The following PCDHGB2 variants were observed in gnomAD, a reference collection of about 807,000 sequenced individuals.
PCDHGB2 encodes the protein protocadherin gamma-B2.
In PCDHGB2, 55 loss-of-function variants were observed where a neutral mutation model predicts 59.3. The observed-to-expected ratio is 0.93, with a 90% CI of 0.75 to 1.16. The LOEUF (loss-of-function observed/expected upper bound fraction) is 1.16. PCDHGB2 is among the 50% of genes most tolerant of loss of function. The pLI is 0.00. For missense variants in PCDHGB2, 1,228 were observed against 1,198.5 expected, an observed-to-expected ratio of 1.02 and a Z score of -0.36; for synonymous variants, 516 against 512.0, an observed-to-expected ratio of 1.01 and a Z score of -0.11.
chr5:141,426,718 C>G, intron 1 of PCDHGB2: 1 of 446,166 alleles, frequency 2.2e-6, no homozygotes, highest in Non-Finnish European at 4.6e-6. Flanking sequence ...AATGAACTAG[C>G]AATTCCAGGC....
chr5:141,371,524 G>T, intron 1 of PCDHGB2: 1 of 1,613,756 alleles, frequency 6.2e-7, no homozygotes, highest in Non-Finnish European at 8.5e-7. Flanking sequence ...CTAGATTCTG[G>T]ATTTAATGGA....
chr5:141,371,018 C>G, intron 1 of PCDHGB2: 1 of 1,613,994 alleles, frequency 6.2e-7, no homozygotes, highest in Non-Finnish European at 8.5e-7. Flanking sequence ...AGCCACATCA[C>G]CACCTGGTCC....
intron 1 of PCDHGB2, among the ~76,000 whole-genome samples, chr5:141,448,751 T>C (rs888567097): frequency 1.3e-5 from 2 of 151,804 alleles, no homozygotes; most frequent in South Asian, 4.2e-4. Context: ...CCATCCTGGC[T>C]AACACGGTGA....
chr5:141,415,811 A>G (rs2095960996), intron 1 of PCDHGB2: 5 of 1,340,748 alleles, frequency 3.7e-6, no homozygotes, highest in South Asian at 1.7e-5. Flanking sequence ...ATCAAGGCCT[A>G]TATATCATAA....
chr5:141,401,342 C>CA (rs929380194), intron 1 of PCDHGB2, among the ~76,000 whole-genome samples: 26 of 150,494 alleles, frequency 1.7e-4, no homozygotes, highest in East Asian at 1.6e-3. Context: ...AACTCCATCT[C>CA]AAAAAAAAGG....
intron 1 of PCDHGB2, chr5:141,384,930 C>A (rs764481830): frequency 6.2e-7 from 1 of 1,614,060 alleles, no homozygotes; most frequent in Admixed American, 1.7e-5. Flanking sequence ...ACCTGGGCAG[C>A]CTTGAGCCCT....
At chr5:141,437,903 A>G (rs1591482477) in intron 1 of PCDHGB2, among the ~76,000 whole-genome samples, 1 of 152,064 alleles carries the variant, frequency 6.6e-6, no homozygotes, top group East Asian at 1.9e-4. Context: ...ACACCCAGCT[A>G]ATTTTTGTAT....
Position 141,476,144 on chromosome 5 carries a change from C to T in PCDHGB2, c.2422-18663C>T. ...GGTCCCAGAGGCCTGGAGGAGCGGA[C>T]TGGTAAGCACCGGGAGGGTAGTGGG... is the stretch of plus-strand genomic sequence containing the variant. On this transcript the variant is annotated intron_variant, in intron 1 of 3. Transcript: ENST00000522605. This position sits in a 1 kb window ranked among gnomAD's most constrained non-coding sequence, Gnocchi z 7.6. 6.2e-7 allele frequency: 1 copy of T among 1,610,510 alleles called. No individual in the cohort carries two copies. The highest frequency in any genetic ancestry group is 1.3e-5 in the African/African-American group (1 of 75,014).
chr5:141,386,109 A>T (rs866004779), intron 1 of PCDHGB2: 1 of 152,246 alleles, frequency 6.6e-6, no homozygotes, highest in Non-Finnish European at 1.5e-5. Context: ...TCTGTGGGCT[A>T]TCAAAGTGGG....
intron 1 of PCDHGB2, chr5:141,415,744 T>TTTG (rs2095926305): frequency 2.5e-6 from 1 of 404,416 alleles, no homozygotes; most frequent in South Asian, 6.6e-5. Context: ...ATTAAGGTTT[T>TTTG]TTTTTTTTTT....
rs765047622 is a variant in PCDHGB2 at position 141,486,776 on chromosome 5, G to A, written c.2422-8031G>A. On this transcript the variant is annotated intron_variant, in intron 1 of 3. Coordinates refer to ENST00000522605, the MANE Select transcript of PCDHGB2 (RefSeq NM_018923.3). This position sits in a 1 kb window ranked among gnomAD's most constrained non-coding sequence, Gnocchi z 5.0. ...GCAAACCCAGACACTGCAGTTTGAGGTGCAGGCCCGGGATCGGGGCAACCC... is the reference window on the plus strand; with the variant it reads ...GCAAACCCAGACACTGCAGTTTGAGATGCAGGCCCGGGATCGGGGCAACCC... 1.2e-6 allele frequency: 2 copies of A among 1,614,254 alleles called. No individual in the cohort carries two copies. Among genetic ancestry groups the A allele is most frequent in the Non-Finnish European group, 1.7e-6 (2 of 1,180,050 alleles).
intron 1 of PCDHGB2, among the ~76,000 whole-genome samples, chr5:141,449,929 T>C (rs2098659723): frequency 6.6e-6 from 1 of 151,912 alleles, no homozygotes; most frequent in Non-Finnish European, 1.5e-5. Context: ...TACCATACCT[T>C]ATAGTATATT....
In PCDHGB2 at chr5:141,486,805, C is replaced by A; in HGVS notation, c.2422-8002C>A. On this transcript the variant is annotated intron_variant, in intron 1 of 3. Transcript: ENST00000522605. The surrounding 1 kb of genome is among the most constrained non-coding windows in gnomAD (Gnocchi z 5.0). ...AGGCCCGGGATCGGGGCAACCCACC[C>A]CTTAGCAGCACTGTAACAGTTCGTC... 1.2e-6 allele frequency: 2 copies of A among 1,614,242 alleles called. No homozygotes were observed. Among genetic ancestry groups the A allele is most frequent in the Admixed American group, 1.7e-5 (1 of 60,034 alleles).
At chr5:141,429,387 T>TTA (rs775632416) in intron 1 of PCDHGB2, among the ~76,000 whole-genome samples, 40 of 151,448 alleles carry the variant, frequency 2.6e-4, no homozygotes, top group African/African-American at 7.0e-4. Context: ...GTTTTTTTTT[T>TTA]AAAAAAAATT....
chr5:141,444,762 T>A (rs767523211), intron 1 of PCDHGB2, among the ~76,000 whole-genome samples: 2 of 152,248 alleles, frequency 1.3e-5, no homozygotes, highest in Non-Finnish European at 2.9e-5. Flanking sequence ...TAGTTCTATT[T>A]CTATATTCTT....
intron 2 of PCDHGB2, among the ~76,000 whole-genome samples, chr5:141,501,032 C>A (rs1370625012): frequency 6.6e-6 from 1 of 151,976 alleles, no homozygotes; most frequent in Non-Finnish European, 1.5e-5. Context: ...CCACGCCCAG[C>A]TAATTTTTGT....
At chr5:141,364,275 A>G in intron 1 of PCDHGB2, 2 of 1,515,456 alleles carry the variant, frequency 1.3e-6, no homozygotes, top group South Asian at 2.7e-5. Flanking sequence ...CTTTAGATAA[A>G]TAAGGAAACA....
chr5:141,362,610 G>T, intron 1 of PCDHGB2, 54 bp downstream of exon 1: 1 of 1,557,774 alleles, frequency 6.4e-7, no homozygotes, highest in Non-Finnish European at 8.7e-7. Flanking sequence ...CACCTAATTT[G>T]GGTAGGAAGT....
At chr5:141,501,600 C>G (rs1320824291) in intron 2 of PCDHGB2, among the ~76,000 whole-genome samples, 1 of 152,040 alleles carries the variant, frequency 6.6e-6, no homozygotes, top group Admixed American at 6.6e-5. Flanking sequence ...TCTACCAGTT[C>G]CAGCTGTGTG....
Sources: gnomAD v4.1 joint callset for allele counts (sites outside exome capture counted in the v4.1 genomes callset) on GRCh38, gnomAD v4.1.1 for gene constraint, Gnocchi (gnomAD v3.1) non-coding constraint, MANE v1.5 for transcripts, NCBI Gene and HGNC (gene_info 2026-07-23, HGNC 2026-07-21) for gene names.